AQP7B: variants seen among roughly 807,000 people sequenced by gnomAD.
AQP7B encodes putative aquaporin-7B.
the AQP7B span, chr2:94,602,342 C>G: frequency 1.4e-6 from 1 of 733,082 alleles, no homozygotes. Context: ...GGAGGGAAGG[C>G]TCTGGAGGAA....
the AQP7B span, chr2:94,602,542 G>C: frequency 4.4e-5 from 70 of 1,604,104 alleles, no homozygotes; most frequent in Non-Finnish European, 5.7e-5. Context: ...AAACATATGG[G>C]AGCTACCTTG....
chr2:94,591,819 TC>T, the AQP7B span, among the ~76,000 whole-genome samples: 7 of 152,238 alleles, frequency 4.6e-5, no homozygotes, highest in East Asian at 1.4e-3. Context: ...CCTAAATTTC[TC>T]TTTCTCTGGG....
At chr2:94,590,965 AAAAG>A in the AQP7B span, among the ~76,000 whole-genome samples, 3 of 150,034 alleles carry the variant, frequency 2.0e-5, no homozygotes, top group African/African-American at 4.9e-5. Context: ...AAAAAAAAAA[AAAAG>A]AAAGAAAAAG....
chr2:94,589,479 C>T, the AQP7B span, among the ~76,000 whole-genome samples: 1 of 152,126 alleles, frequency 6.6e-6, no homozygotes, highest in Admixed American at 6.5e-5. Flanking sequence ...TTTGAAATCA[C>T]ACCCCATCTC....
At chr2:94,592,987 C>T in the AQP7B span, among the ~76,000 whole-genome samples, 1 of 151,762 alleles carries the variant, frequency 6.6e-6, no homozygotes, top group Non-Finnish European at 1.5e-5. Flanking sequence ...CAACACCTGA[C>T]TAATTTTTGT....
the AQP7B span, among the ~76,000 whole-genome samples, chr2:94,593,480 CTTTTTTTTTTTT>C: frequency 8.8e-6 from 1 of 113,956 alleles, no homozygotes; most frequent in South Asian, 2.9e-4. Context: ...TCCTCTTCCT[CTTTTTTTTTTTT>C]TTTTTTTTTT....
At chr2:94,590,944 C>CAAAAAAAAAAAAAA in the AQP7B span, among the ~76,000 whole-genome samples, 1 of 49,084 alleles carries the variant, frequency 2.0e-5, no homozygotes, top group African/African-American at 8.8e-5. Context: ...GACCCTGTCT[C>CAAAAAAAAAAAAAA]AAAAAAAAAA....
At chr2:94,597,620 T>TG in the AQP7B span, among the ~76,000 whole-genome samples, 2 of 151,468 alleles carry the variant, frequency 1.3e-5, no homozygotes, top group South Asian at 2.1e-4. Flanking sequence ...TTGTTTTTTT[T>TG]TTTTTGTTTT....
At chr2:94,596,704 G>A in the AQP7B span, among the ~76,000 whole-genome samples, 1 of 152,092 alleles carries the variant, frequency 6.6e-6, no homozygotes, top group Non-Finnish European at 1.5e-5. Context: ...CACAAATTTA[G>A]CTTTCTTGTT....
At chr2:94,603,239 G>A in the AQP7B span, 1 of 1,394,662 alleles carries the variant, frequency 7.2e-7, no homozygotes, top group African/African-American at 1.4e-5. Context: ...TGGGCAGATT[G>A]GACCTCAGTG....
At chr2:94,602,349 G>A in the AQP7B span, 195 of 792,480 alleles carry the variant, frequency 2.5e-4, 1 homozygote, top group Admixed American at 1.1e-3. Context: ...AGGCTCTGGA[G>A]GAAGAGGGCG....
chr2:94,600,122 G>A, the AQP7B span, among the ~76,000 whole-genome samples: 2 of 151,902 alleles, frequency 1.3e-5, no homozygotes, highest in East Asian at 3.9e-4. Context: ...CATCCACCTC[G>A]GCCTCCCAAA....
chr2:94,593,517 C>T, the AQP7B span, among the ~76,000 whole-genome samples: 1 of 141,096 alleles, frequency 7.1e-6, no homozygotes, highest in African/African-American at 2.7e-5. Context: ...TGGAGTCTCG[C>T]TCTTGTTGCC....
chr2:94,592,360 T>C, the AQP7B span, among the ~76,000 whole-genome samples: 1 of 152,180 alleles, frequency 6.6e-6, no homozygotes, highest in African/African-American at 2.4e-5. Context: ...AGACCCTCTG[T>C]TCATAGCTCA....
the AQP7B span, among the ~76,000 whole-genome samples, chr2:94,592,041 G>A: frequency 1.3e-5 from 2 of 152,136 alleles, no homozygotes; most frequent in African/African-American, 2.4e-5. Context: ...TCATTGGCTG[G>A]TTGGTGGTTA....
At chr2:94,590,442 C>T in the AQP7B span, among the ~76,000 whole-genome samples, 43 of 152,210 alleles carry the variant, frequency 2.8e-4, no homozygotes, top group East Asian at 6.8e-3. Flanking sequence ...CCTGCCTCGG[C>T]CTCCTAAAGT....
At chr2:94,599,380 C>A in the AQP7B span, among the ~76,000 whole-genome samples, 9 of 152,118 alleles carry the variant, frequency 5.9e-5, no homozygotes, top group African/African-American at 2.2e-4. Flanking sequence ...AGCTGCCTCT[C>A]CCCCACCATA....
the AQP7B span, among the ~76,000 whole-genome samples, chr2:94,588,946 C>T: frequency 6.6e-6 from 1 of 151,920 alleles, no homozygotes; most frequent in Non-Finnish European, 1.5e-5. Flanking sequence ...TGCTCTCCCT[C>T]CTCCAGCCAC....
At chr2:94,602,744 G>A in the AQP7B span, 2 of 1,025,834 alleles carry the variant, frequency 1.9e-6, no homozygotes, top group South Asian at 1.6e-5. Flanking sequence ...GCAGGAGGAA[G>A]TCTCCTCTGA....
Sources: gnomAD v4.1 joint callset for allele counts (sites outside exome capture counted in the v4.1 genomes callset) on GRCh38, gnomAD v4.1.1 for gene constraint, MANE v1.5 for transcripts, NCBI Gene and HGNC (gene_info 2026-07-23, HGNC 2026-07-21) for gene names.